PARPBP: variants seen among roughly 807,000 people sequenced by gnomAD.
PARPBP encodes PARP1 binding protein.
A neutral mutation model predicts 50.0 loss-of-function variants in PARPBP; 52 were observed. The ratio of observed to expected loss-of-function variants is 1.04; its 90% CI spans 0.83 to 1.31. The LOEUF is 1.31. Ranked by LOEUF, PARPBP falls within the 50% of genes most tolerant of loss-of-function variation. The probability of loss-of-function intolerance (pLI) is 0.00; values close to 1 mark genes in which losing one functional copy is unlikely to be tolerated. For missense variants in PARPBP, 697 were observed against 672.0 expected, an observed-to-expected ratio of 1.04 and a Z score of -0.41; for synonymous variants, 244 against 232.1, an observed-to-expected ratio of 1.05 and a Z score of -0.47.
At position 102,196,986 on chromosome 12, in the gene PARPBP, C is replaced by T. The variant is rs1462432505; in HGVS notation, c.*695C>T. 3 of 1,610,730 alleles carry T rather than the reference C, an allele frequency of 1.9e-6. No individual in the cohort carries two copies. The highest frequency in any genetic ancestry group is 2.5e-6 in the Non-Finnish European group (3 of 1,177,774). ...AAGACTACTCACTGTCAAAATCTCT[C>T]CTTCCTATAGGAAATTTAGCTGAGT... On this transcript the variant is annotated 3_prime_UTR_variant, in exon 11 of 11. Transcript: ENST00000327680.
Position 102,122,114 on chromosome 12 carries a change from A to T in PARPBP, c.-3-1772A>T, listed in dbSNP as rs1342760449. Among the ~76,000 whole-genome samples, 4 of 152,222 alleles carry T rather than the reference A, an allele frequency of 2.6e-5. No individual in the cohort carries two copies. The East Asian group carries it at 7.7e-4, about 29-fold the overall frequency. ...CCCAAGTGAGTCTTCATTCATAGCA[A>T]TCAAATCTCATAATACTACCTTTAA... On this transcript the variant is annotated intron_variant, in intron 1 of 10. Coordinates refer to ENST00000327680, the MANE Select transcript of PARPBP (RefSeq NM_017915.5).
intron 1 of PARPBP, among the ~76,000 whole-genome samples, chr12:102,122,386 T>G (rs984260824): frequency 6.6e-6 from 1 of 152,244 alleles, no homozygotes; most frequent in African/African-American, 2.4e-5. Flanking sequence ...GCAAGTGGCA[T>G]GTATCTTTGC....
intron 2 of PARPBP, among the ~76,000 whole-genome samples, chr12:102,139,781 A>G (rs1884263260): frequency 6.6e-6 from 1 of 152,210 alleles, no homozygotes; most frequent in Non-Finnish European, 1.5e-5. Context: ...ATGATGGACT[A>G]CATTTATTGA....
At chr12:102,123,503 T>C (rs1176562794) in intron 1 of PARPBP, among the ~76,000 whole-genome samples, 1 of 151,630 alleles carries the variant, frequency 6.6e-6, no homozygotes, top group Non-Finnish European at 1.5e-5. Flanking sequence ...TTTAGGTTTT[T>C]TTTTTTTTTT....
At chr12:102,138,336 A>T (rs182750661) in intron 2 of PARPBP, among the ~76,000 whole-genome samples, 11 of 152,098 alleles carry the variant, frequency 7.2e-5, no homozygotes, top group Non-Finnish European at 1.3e-4. Context: ...TCCTTTGTGC[A>T]CTTTTTGATG....
At chr12:102,158,689 G>C (rs558991073) in intron 4 of PARPBP, among the ~76,000 whole-genome samples, 1 of 151,742 alleles carries the variant, frequency 6.6e-6, no homozygotes, top group Non-Finnish European at 1.5e-5. Flanking sequence ...ATCTTTTCTC[G>C]GTGGCGCTTA....
intron 2 of PARPBP, among the ~76,000 whole-genome samples, chr12:102,135,266 C>CG (rs1233374324): frequency 6.6e-6 from 1 of 151,788 alleles, no homozygotes; most frequent in African/African-American, 2.4e-5. Context: ...AAATGTGGGC[C>CG]GGGCATGGTG....
chr12:102,146,272 C>A (rs980395326), intron 2 of PARPBP, among the ~76,000 whole-genome samples: 1 of 152,032 alleles, frequency 6.6e-6, no homozygotes, highest in Non-Finnish European at 1.5e-5. Context: ...AATCCTAAGC[C>A]AAAAGAACAA....
intron 2 of PARPBP, among the ~76,000 whole-genome samples, chr12:102,129,326 T>C (rs892401922): frequency 7.2e-5 from 11 of 152,054 alleles, no homozygotes; most frequent in African/African-American, 2.4e-4. Flanking sequence ...GTTTTCTTAT[T>C]GAGTTTCTTA....
chr12:102,155,034 A>G (rs958801110), intron 4 of PARPBP: 10 of 317,638 alleles, frequency 3.1e-5, no homozygotes, highest in Non-Finnish European at 6.1e-5. Flanking sequence ...ATTGCTTGCC[A>G]ATCAGAAAAT....
intron 6 of PARPBP, among the ~76,000 whole-genome samples, chr12:102,170,092 T>A (rs1888537018): frequency 6.6e-6 from 1 of 152,190 alleles, no homozygotes. Context: ...GTGGCTGCAT[T>A]TCTACACTTT....
chr12:102,196,061 G>A lies in PARPBP; in HGVS notation c.1510G>A (p.Gly504Arg), dbSNP rs761825684. 1.2e-6 allele frequency: 2 copies of A among 1,611,628 alleles called. No individual in the cohort carries two copies. Among genetic ancestry groups the A allele is most frequent in the African/African-American group, 2.7e-5 (2 of 74,766 alleles). Residue 504 changes from glycine to arginine, a missense_variant, in exon 11 of 11, where the codon GGA becomes AGA. Coordinates refer to ENST00000327680, the MANE Select transcript of PARPBP (RefSeq NM_017915.5). Reference sequence around the variant, plus strand: ...ATCAAGAAAATCAACCAGTCAGACAGGAAATAAAAGCTCAAAAAGGAAACA... The same window carrying A: ...ATCAAGAAAATCAACCAGTCAGACAAGAAATAAAAGCTCAAAAAGGAAACA... ...KVSRKSTSQT[G>R]NKSSKRKQVD...
At chr12:102,142,104 C>T (rs553110048) in intron 2 of PARPBP, among the ~76,000 whole-genome samples, 1 of 152,196 alleles carries the variant, frequency 6.6e-6, no homozygotes, top group Non-Finnish European at 1.5e-5. Flanking sequence ...TCCATTCTCC[C>T]CGTCACTTTC....
At chr12:102,176,384 C>CA (rs1447385247) in intron 7 of PARPBP, among the ~76,000 whole-genome samples, 1 of 152,196 alleles carries the variant, frequency 6.6e-6, no homozygotes, top group African/African-American at 2.4e-5. Flanking sequence ...ATTAGGACAA[C>CA]AACAGTCCTG....
At chr12:102,178,522 A>C in intron 7 of PARPBP, 70 bp from the exon 8 acceptor site, 3 of 909,076 alleles carry the variant, frequency 3.3e-6, no homozygotes, top group Non-Finnish European at 3.2e-6. Context: ...GCCACAGGGA[A>C]TTTAAAAGTA....
chr12:102,129,877 A>G (rs1297216021), intron 2 of PARPBP, among the ~76,000 whole-genome samples: 4 of 152,224 alleles, frequency 2.6e-5, no homozygotes, highest in Non-Finnish European at 5.9e-5. Flanking sequence ...TTCTTTGCAG[A>G]GCTAGAAAAA....
chr12:102,195,852 A>T, intron 10 of PARPBP, 99 bp from the exon 11 acceptor site: 1 of 708,254 alleles, frequency 1.4e-6, no homozygotes, highest in Middle Eastern at 3.4e-4. Flanking sequence ...TAAAAATTTG[A>T]ATATTCGTTA....
chr12:102,184,721 C>T lies in PARPBP; in HGVS notation c.1263+2094C>T, dbSNP rs76839890. On this transcript the variant is annotated intron_variant, in intron 9 of 10. Coordinates refer to ENST00000327680, the MANE Select transcript of PARPBP (RefSeq NM_017915.5). ...AAGGAAAGCATTGCTTATGTTTTTG[C>T]GATACTCTTTTTAAAAGTGAAGTAT... Among the ~76,000 whole-genome samples the T allele has an allele frequency of 1.2e-4, 19 of 152,164 alleles. No individual in the cohort carries two copies. In the East Asian group the frequency reaches 3.3e-3, roughly 26 times the overall value.
At chr12:102,151,531 G>A (rs1886203451) in intron 3 of PARPBP, 2 of 1,448,704 alleles carry the variant, frequency 1.4e-6, no homozygotes, top group Non-Finnish European at 1.9e-6. Context: ...GGTCCCTGAT[G>A]CCTGCACACT....
Sources: gnomAD v4.1 joint callset for allele counts (sites outside exome capture counted in the v4.1 genomes callset) on GRCh38, gnomAD v4.1.1 for gene constraint, MANE v1.5 for transcripts, NCBI Gene and HGNC (gene_info 2026-07-23, HGNC 2026-07-21) for gene names.